The following DPP10 variants were observed in gnomAD, a reference collection of about 807,000 sequenced individuals.
The protein encoded by DPP10 is dipeptidyl peptidase like 10, also known as inactive dipeptidyl peptidase 10.
In DPP10, 33 loss-of-function variants were observed where a neutral mutation model predicts 120.9. The observed-to-expected ratio is 0.27, with a 90% CI of 0.21 to 0.37. DPP10 has a LOEUF of 0.37. Ranked by LOEUF, DPP10 falls within the 10% of genes least tolerant of loss-of-function variation. DPP10 has a pLI of 1.00. For synonymous variants in DPP10, 337 were observed against 326.1 expected (o/e 1.03, Z -0.36); for missense variants, 816 against 942.8 (o/e 0.87, Z 1.76).
chr2:115,229,966 C>T (rs368462486), intron 1 of DPP10, among the ~76,000 whole-genome samples: 3 of 150,420 alleles, frequency 2.0e-5, no homozygotes, highest in East Asian at 3.9e-4. Context: ...GAATGGCATT[C>T]GTATTTTGAT....
rs535579501 is a variant in DPP10 at position 115,550,113 on chromosome 2, A to G, written c.441+24141A>G. 3.9e-5 allele frequency among the ~76,000 whole-genome samples: 6 copies of G among 152,306 alleles called. No homozygotes were observed. The South Asian group carries it at 6.2e-4, about 16-fold the overall frequency. On this transcript the variant is annotated intron_variant, in intron 5 of 25. Transcript: ENST00000410059. ...CTTCCTAAAGGGAAGTCCAAATGCTATAAGAAAATGAAAGAATAAATGCTA... is the reference window on the plus strand; with the variant it reads ...CTTCCTAAAGGGAAGTCCAAATGCTGTAAGAAAATGAAAGAATAAATGCTA...
intron 1 of DPP10, among the ~76,000 whole-genome samples, chr2:115,203,489 A>T (rs944707065): frequency 4.6e-5 from 7 of 152,052 alleles, no homozygotes; most frequent in Admixed American, 4.6e-4. Context: ...GGAGAGGGAG[A>T]TGCTGAGTGT....
intron 1 of DPP10, among the ~76,000 whole-genome samples, chr2:114,908,753 T>G (rs1574466017): frequency 6.6e-6 from 1 of 151,898 alleles, no homozygotes; most frequent in South Asian, 2.1e-4. Flanking sequence ...AATAATTATA[T>G]AATTTATTCT....
chr2:114,954,232 C>G (rs1375966540), intron 1 of DPP10, among the ~76,000 whole-genome samples: 1 of 151,870 alleles, frequency 6.6e-6, no homozygotes, highest in Non-Finnish European at 1.5e-5. Flanking sequence ...AGGCGCCCGC[C>G]ACCACCCCCG....
At chr2:115,681,793 TCTTCCTTC>T (rs61041757) in intron 5 of DPP10, among the ~76,000 whole-genome samples, 98,173 of 141,034 alleles carry the variant, frequency 0.7, 35,596 homozygotes, top group East Asian at 0.9. Context: ...TCTTTCTTTC[TCTTCCTTC>T]CTTCCTTCCT....
At chr2:115,455,784 A>G (rs2073481027) in intron 3 of DPP10, among the ~76,000 whole-genome samples, 1 of 152,178 alleles carries the variant, frequency 6.6e-6, no homozygotes, top group Admixed American at 6.5e-5. Context: ...CTGAAAGTGG[A>G]TCACTTCCTT....
intron 5 of DPP10, among the ~76,000 whole-genome samples, chr2:115,641,148 C>G (rs1298864612): frequency 6.6e-6 from 1 of 152,182 alleles, no homozygotes; most frequent in African/African-American, 2.4e-5. Flanking sequence ...CACCCTCTCT[C>G]CTAGCCCAAG....
intron 3 of DPP10, among the ~76,000 whole-genome samples, chr2:115,440,560 AAG>A (rs2071940073): frequency 6.6e-6 from 1 of 152,228 alleles, no homozygotes; most frequent in Non-Finnish European, 1.5e-5. Flanking sequence ...CCGGCGGCCA[AAG>A]AGACGGCTAA....
At chr2:115,342,070 G>C in intron 2 of DPP10, 1 of 439,344 alleles carries the variant, frequency 2.3e-6, no homozygotes, top group Non-Finnish European at 4.6e-6. Flanking sequence ...CCAGGAATTA[G>C]TGAGAGTTGG....
intron 1 of DPP10, among the ~76,000 whole-genome samples, chr2:115,248,042 T>C (rs2058609121): frequency 6.6e-6 from 1 of 152,116 alleles, no homozygotes; most frequent in Non-Finnish European, 1.5e-5. Flanking sequence ...TTTTCCATCA[T>C]TGACTGCAGC....
intron 2 of DPP10, among the ~76,000 whole-genome samples, chr2:115,314,339 T>C (rs2061698943): frequency 6.6e-6 from 1 of 152,210 alleles, no homozygotes; most frequent in South Asian, 2.1e-4. Context: ...ACACTGATTA[T>C]CTGTCATGCT....
At chr2:115,677,248 T>C (rs1215468141) in intron 5 of DPP10, among the ~76,000 whole-genome samples, 3 of 151,982 alleles carry the variant, frequency 2.0e-5, no homozygotes, top group Admixed American at 6.6e-5. Context: ...CATATAAAAA[T>C]GTGAACCTCA....
At chr2:114,628,239 A>C (rs1694658293) in intron 1 of DPP10, among the ~76,000 whole-genome samples, 1 of 152,130 alleles carries the variant, frequency 6.6e-6, no homozygotes, top group African/African-American at 2.4e-5. Flanking sequence ...CTAAATACTA[A>C]AACAGTGGTT....
intron 5 of DPP10, among the ~76,000 whole-genome samples, chr2:115,635,326 C>T (rs947221549): frequency 3.3e-5 from 5 of 152,264 alleles, no homozygotes; most frequent in South Asian, 4.1e-4. Flanking sequence ...GCTCTGGTGG[C>T]GTGGGCTGAC....
intron 3 of DPP10, among the ~76,000 whole-genome samples, chr2:115,424,621 C>T (rs2070289175): frequency 1.3e-5 from 2 of 151,854 alleles, no homozygotes; most frequent in African/African-American, 4.8e-5. Context: ...TTTCTTTTGT[C>T]TAGGAGGGTG....
intron 1 of DPP10, among the ~76,000 whole-genome samples, chr2:115,257,745 A>G (rs372064572): frequency 6.6e-6 from 1 of 152,274 alleles, no homozygotes; most frequent in African/African-American, 2.4e-5. Flanking sequence ...TTTTTTCCTA[A>G]GTTACATAAC....
Position 115,804,457 on chromosome 2 carries a change from C to T in DPP10, c.1701-10336C>T, listed in dbSNP as rs562526733. 3.9e-5 allele frequency among the ~76,000 whole-genome samples: 6 copies of T among 152,320 alleles called. No individual in the cohort carries two copies. In the South Asian group the frequency reaches 6.2e-4, roughly 16 times the overall value. ...GTCAAAGTCATTCTCCATGCAGCTT[C>T]GTTCCGTTGCTGGTGAGGAACTGCG... On this transcript the variant is annotated intron_variant, in intron 19 of 25. Coordinates refer to ENST00000410059, the MANE Select transcript of DPP10 (RefSeq NM_020868.6).
chr2:115,031,315 TG>T (rs1317516991), intron 1 of DPP10, among the ~76,000 whole-genome samples: 1 of 152,230 alleles, frequency 6.6e-6, no homozygotes, highest in Non-Finnish European at 1.5e-5. Context: ...TGTGGCAACA[TG>T]GCACTGACTA....
chr2:114,756,625 G>C (rs1036904482), intron 1 of DPP10, among the ~76,000 whole-genome samples: 5 of 152,170 alleles, frequency 3.3e-5, no homozygotes, highest in African/African-American at 9.6e-5. Context: ...CCCCACTGCA[G>C]ACAAATGACA....
Sources: allele counts gnomAD v4.1 joint callset (sites outside exome capture counted in the v4.1 genomes callset), GRCh38; gene constraint gnomAD v4.1.1; transcripts MANE v1.5; gene names NCBI Gene and HGNC (gene_info 2026-07-23, HGNC 2026-07-21).